The following BATF2 variants were observed in gnomAD, a reference collection of about 807,000 sequenced individuals.
BATF2 encodes basic leucine zipper ATF-like transcription factor 2.
In BATF2, 4 loss-of-function variants were observed where a neutral mutation model predicts 7.3. The ratio of observed to expected loss-of-function variants is 0.55; its 90% CI spans 0.27 to 1.26. BATF2 has a LOEUF of 1.26. Ranked by LOEUF, BATF2 falls within the 50% of genes most tolerant of loss-of-function variation. BATF2 has a pLI of 0.11. For missense variants in BATF2, 295 were observed against 340.5 expected (o/e 0.87, Z 1.05); for synonymous variants, 152 against 153.9 (o/e 0.99, Z 0.09).
chr11:64,988,278 C>G lies in BATF2; in HGVS notation c.*851G>C. ...GGGGCCACACAGGGGTGGGTGCTGT[C>G]AGGTACAAGCCCATCCCTGCCTGCA... On this transcript the variant is annotated 3_prime_UTR_variant, in exon 3 of 3. Transcript: ENST00000301887. The G allele has an allele frequency of 6.6e-6, 1 of 152,370 alleles. No homozygotes were observed. The allele number at this position is 152,370 out of a possible 1,614,324, so 9.4% of individuals were successfully genotyped here.
At chr11:64,990,113 A>C in intron 2 of BATF2, 1 of 1,535,580 alleles carries the variant, frequency 6.5e-7, no homozygotes, top group Non-Finnish European at 8.7e-7. Flanking sequence ...TGTCCCCCAA[A>C]CCACCTATTC....
In BATF2 at chr11:64,989,183, G is replaced by C. The variant is rs1197220288; in HGVS notation, c.771C>G (p.Ser257Arg). The change falls in exon 3 of 3, where the codon AGC becomes AGG. Residue 257 changes from serine to arginine, a missense_variant. Ser to Arg is a moderately radical substitution (Grantham distance 110). Coordinates refer to ENST00000301887, the MANE Select transcript of BATF2 (RefSeq NM_138456.4). This position sits in a 1 kb window ranked among gnomAD's most constrained non-coding sequence, Gnocchi z 4.3. Reference protein sequence around the residue: ...ATWQGLVVDPSPHPLLAFPLL... With the variant: ...ATWQGLVVDPRPHPLLAFPLL... ...GAGGAAAGGCCAGGAGAGGGTGAGGGCTGGGATCCACAACCAGCCCTTGCC... is the reference window on the plus strand; with the variant it reads ...GAGGAAAGGCCAGGAGAGGGTGAGGCCTGGGATCCACAACCAGCCCTTGCC... 1.2e-6 allele frequency: 2 copies of C among 1,614,056 alleles called. No homozygotes were observed. Among genetic ancestry groups the C allele is most frequent in the African/African-American group, 1.3e-5 (1 of 74,932 alleles).
intron 2 of BATF2, among the ~76,000 whole-genome samples, chr11:64,993,953 G>A (rs970721310): frequency 2.6e-5 from 4 of 152,010 alleles, no homozygotes; most frequent in Admixed American, 1.3e-4. Context: ...GCACCATCAC[G>A]CCCAGCTAAC....
chr11:64,989,444 C>A lies in BATF2; in HGVS notation c.510G>T (p.Leu170=), dbSNP rs145280751. The A allele has an allele frequency of 6.2e-7, 1 of 1,609,452 alleles. No homozygotes were observed. Among genetic ancestry groups the A allele is most frequent in the Non-Finnish European group, 8.5e-7 (1 of 1,177,690 alleles). ...AGGCAAACAGGAGAGGGCTGGGGGA[C>A]AGCTGGACAGGAGGTTCAGCAACCA... ...PAVVAEPPVQ[L]SPSPLLFASH... is the part of the protein sequence containing the mutation. Residue 170 remains leucine, a synonymous_variant, in exon 3 of 3, where the codon CTG becomes CTT. Transcript: ENST00000301887. The surrounding 1 kb of genome is among the most constrained non-coding windows in gnomAD (Gnocchi z 4.3).
intron 2 of BATF2, among the ~76,000 whole-genome samples, chr11:64,991,742 G>C (rs898047630): frequency 6.6e-6 from 1 of 152,146 alleles, no homozygotes; most frequent in African/African-American, 2.4e-5. Context: ...GGTGGGGCTG[G>C]GGTGGGCGTT....
rs367897184 is a variant in BATF2, at chr11:64,989,720, G to A, written c.234C>T (p.His78=). The A allele has an allele frequency of 8.8e-5, 142 of 1,614,002 alleles. No individual in the cohort carries two copies. The highest frequency in any genetic ancestry group is 4.9e-4 in the Middle Eastern group (3 of 6,062). Reference sequence around the variant, plus strand: ...CCATGGGGCACAGGCGCTCATGCACGTGCAGGGTCCGGCTCCACCACGCCA... The same window carrying A: ...CCATGGGGCACAGGCGCTCATGCACATGCAGGGTCCGGCTCCACCACGCCA... The part of the protein sequence containing the change: ...AELAWWSRTL[H]VHERLCPMDC... The change falls in exon 3 of 3, where the codon CAC becomes CAT. Residue 78 remains histidine (H), a synonymous_variant. Coordinates refer to ENST00000301887, the MANE Select transcript of BATF2 (RefSeq NM_138456.4). The surrounding 1 kb of genome is among the most constrained non-coding windows in gnomAD (Gnocchi z 4.3).
chr11:64,992,370 C>T (rs1009331307), intron 2 of BATF2, among the ~76,000 whole-genome samples: 1 of 152,072 alleles, frequency 6.6e-6, no homozygotes, highest in Non-Finnish European at 1.5e-5. Flanking sequence ...CCTGGCTCAT[C>T]TCCTCTTTAG....
chr11:64,988,908 C>T lies in BATF2; in HGVS notation c.*221G>A. On this transcript the variant is annotated 3_prime_UTR_variant, in exon 3 of 3. Coordinates refer to ENST00000301887, the MANE Select transcript of BATF2 (RefSeq NM_138456.4). ...TTGTCTGAAAAAGTGGAGTGATAAT[C>T]TCGATTTCTCAGGTCAACTGTGAGG... 1.8e-6 allele frequency: 1 copy of T among 567,800 alleles called. No homozygotes were observed. The highest frequency in any genetic ancestry group is 3.2e-6 in the Non-Finnish European group (1 of 315,338). 35.2% of individuals were successfully genotyped at this position (567,800 alleles called of 1,614,324 possible). A position where few individuals can be genotyped will look rare whatever the true frequency, so the allele number is the denominator to read the frequency against.
intron 2 of BATF2, among the ~76,000 whole-genome samples, chr11:64,991,623 T>G (rs1385617272): frequency 1.3e-5 from 2 of 152,188 alleles, no homozygotes; most frequent in Admixed American, 6.5e-5. Flanking sequence ...CCCTTCCCTC[T>G]TCTCTGCTTT....
chr11:64,995,818 C>T (rs533505044), intron 1 of BATF2, among the ~76,000 whole-genome samples: 5 of 152,264 alleles, frequency 3.3e-5, no homozygotes, highest in East Asian at 1.9e-4. Context: ...ATGTCCACAG[C>T]GGGCTCACTG....
At position 64,996,874 on chromosome 11, in the gene BATF2, A is replaced by G; in HGVS notation, c.39+2T>C. On this transcript the variant is annotated splice_donor_variant, in intron 1 of 2. Transcript: ENST00000301887. LOFTEE classifies it high-confidence loss of function. ...CCCCGATCCCCAATCCCCTGTACTC[A>G]CTGTCTGGGTCAGCAGCCCATTGCC... 6.2e-7 allele frequency: 1 copy of G among 1,610,466 alleles called. No homozygotes were observed. Among genetic ancestry groups the G allele is most frequent in the Non-Finnish European group, 8.5e-7 (1 of 1,178,326 alleles).
chr11:64,993,411 C>A (rs752785033), intron 2 of BATF2, among the ~76,000 whole-genome samples: 12 of 152,054 alleles, frequency 7.9e-5, no homozygotes, highest in Non-Finnish European at 1.3e-4. Context: ...GGAAAGAGAT[C>A]ACTCTGTCCT....
Position 64,990,467 on chromosome 11 carries a change from C to T in BATF2, c.142-655G>A, listed in dbSNP as rs563121637. 2.1e-5 allele frequency: 27 copies of T among 1,263,718 alleles called. No homozygotes were observed. The East Asian group carries it at 4.0e-4, about 19-fold the overall frequency. The allele number at this position is 1,263,718 out of a possible 1,614,324, so 78.3% of individuals were successfully genotyped here. A position where few individuals can be genotyped will look rare whatever the true frequency, so the allele number is the denominator to read the frequency against. ...TTTGAGGGCCCAGAACTCGCCCCTA[C>T]GAGCACTGTGGGAGGATTCAGGGGA... On this transcript the variant is annotated intron_variant, in intron 2 of 2. Transcript: ENST00000301887.
Position 64,989,759 on chromosome 11 carries a change from G to T in BATF2, c.195C>A (p.Ser65=). 7.4e-6 allele frequency: 12 copies of T among 1,614,034 alleles called. No individual in the cohort carries two copies. The highest frequency in any genetic ancestry group is 1.0e-5 in the Non-Finnish European group (12 of 1,180,034). Residue 65 remains serine (S), a synonymous_variant, in exon 3 of 3, where the codon TCC becomes TCA. Coordinates refer to ENST00000301887, the MANE Select transcript of BATF2 (RefSeq NM_138456.4). The surrounding 1 kb of genome is among the most constrained non-coding windows in gnomAD (Gnocchi z 4.3). Reference sequence around the variant, plus strand: ...TCCACCACGCCAGCTCGGCCTGCAGGGACTGGATCTCCTTCCGCAGGGCGA... The same window carrying T: ...TCCACCACGCCAGCTCGGCCTGCAGTGACTGGATCTCCTTCCGCAGGGCGA... ...DNLALRKEIQ[S]LQAELAWWSR...
At chr11:64,993,442 A>C (rs1478227625) in intron 2 of BATF2, among the ~76,000 whole-genome samples, 1 of 152,208 alleles carries the variant, frequency 6.6e-6, no homozygotes, top group Non-Finnish European at 1.5e-5. Context: ...CTGAGAGGCC[A>C]TGAGCACACA....
rs1436348839 is a variant in BATF2, at chr11:64,989,905, G to A, written c.142-93C>T. On this transcript the variant is annotated intron_variant, in intron 2 of 2. Coordinates refer to ENST00000301887, the MANE Select transcript of BATF2 (RefSeq NM_138456.4). This position sits in a 1 kb window ranked among gnomAD's most constrained non-coding sequence, Gnocchi z 4.3. ...CCCCTTCCAGGGTCCTCAACTTCAGGAGAAAGATGCCACCACCATTGGAAT... is the reference window on the plus strand; with the variant it reads ...CCCCTTCCAGGGTCCTCAACTTCAGAAGAAAGATGCCACCACCATTGGAAT... 7 of 1,480,988 alleles carry A rather than the reference G, an allele frequency of 4.7e-6. No homozygotes were observed. The highest frequency in any genetic ancestry group is 2.4e-5 in the East Asian group (1 of 41,156). 91.7% of individuals were successfully genotyped at this position (1,480,988 alleles called of 1,614,324 possible). A position where few individuals can be genotyped will look rare whatever the true frequency, so the allele number is the denominator to read the frequency against.
At chr11:64,996,794 A>G (rs1946113301) in intron 1 of BATF2, 82 bp downstream of exon 1, 1 of 1,555,302 alleles carries the variant, frequency 6.4e-7, no homozygotes, top group South Asian at 1.1e-5. Context: ...GGAGCTCCCG[A>G]CTGCAGCCCT....
Position 64,990,657 on chromosome 11 carries a change from A to C in BATF2, c.142-845T>G, listed in dbSNP as rs940801387. 1.0e-5 allele frequency: 10 copies of C among 980,740 alleles called. No individual in the cohort carries two copies. In the East Asian group the frequency reaches 3.1e-4, roughly 31 times the overall value. The allele number at this position is 980,740 out of a possible 1,614,324, so 60.8% of individuals were successfully genotyped here. On this transcript the variant is annotated intron_variant, in intron 2 of 2. Transcript: ENST00000301887. ...TGACAGTAATGGTAAAAATGCAGAA[A>C]GAATTTTATATCCACATCTCACAGG... is the stretch of plus-strand genomic sequence containing the variant.
rs931771460 is a variant in BATF2 at position 64,987,948 on chromosome 11, G to C, written c.*1181C>G. ...TTAAGTAACTAGGCAAAGCAGAAAA[G>C]ATTGCAAAACACTTTATTTCCATCA... On this transcript the variant is annotated 3_prime_UTR_variant, in exon 3 of 3. Transcript: ENST00000301887. The C allele has an allele frequency of 6.6e-6, 1 of 152,188 alleles. No individual in the cohort carries two copies. Among genetic ancestry groups the C allele is most frequent in the African/African-American group, 2.4e-5 (1 of 41,452 alleles). 9.4% of individuals were successfully genotyped at this position (152,188 alleles called of 1,614,324 possible).
Sources: gnomAD v4.1 joint callset for allele counts (sites outside exome capture counted in the v4.1 genomes callset) on GRCh38, gnomAD v4.1.1 for gene constraint, Gnocchi (gnomAD v3.1) non-coding constraint, MANE v1.5 for transcripts, NCBI Gene and HGNC (gene_info 2026-07-23, HGNC 2026-07-21) for gene names.